The following DACH2 variants were observed in gnomAD, a reference collection of about 807,000 sequenced individuals.
DACH2 encodes the protein dachshund homolog 2.
DACH2 carries 17 observed loss-of-function variants against 35.8 expected under a neutral mutation model. That is an observed-to-expected ratio of 0.48 (90% CI 0.33 to 0.71). The LOEUF is 0.71. DACH2 is among the 30% of genes least tolerant of loss of function. DACH2 has a pLI of 0.02. For missense variants in DACH2, 469 were observed against 472.7 expected, an observed-to-expected ratio of 0.99 and a Z score of 0.07; for synonymous variants, 195 against 177.3, an observed-to-expected ratio of 1.10 and a Z score of -0.79.
chrX:86,714,682 C>G lies in DACH2; in HGVS notation c.1066C>G (p.His356Asp). Residue 356 changes from histidine to aspartate, a missense_variant, in exon 6 of 12, where the codon CAC becomes GAC. This residue lies in a region of DACH2 where 363 missense variants were observed against 334.4 expected (regional missense o/e 1.09). Transcript: ENST00000373125. ...IANMAAAAQIHSPLSRAGTSV... is the reference protein window; with the variant it reads ...IANMAAAAQIDSPLSRAGTSV... ...CAACATGGCTGCTGCAGCACAGATT[C>G]ACAGTCCACTCTCCAGAGCTGGTAC... is the stretch of plus-strand genomic sequence containing the variant. 1 of 1,195,993 alleles carries G rather than the reference C, an allele frequency of 8.4e-7. No homozygotes were observed. The highest frequency in any genetic ancestry group is 1.1e-6 in the Non-Finnish European group (1 of 885,375).
intron 1 of DACH2, among the ~76,000 whole-genome samples, chrX:86,261,654 G>A (rs2033627383): frequency 1.8e-5 from 2 of 111,683 alleles, no homozygotes; most frequent in Admixed American, 1.9e-4. Context: ...GAAGAAAAAT[G>A]CTTAGTGGAG....
chrX:86,633,073 C>T (rs1256847264), intron 3 of DACH2, among the ~76,000 whole-genome samples: 1 of 106,807 alleles, frequency 9.4e-6, no homozygotes, highest in African/African-American at 3.5e-5. Flanking sequence ...CTAGCCAAAA[C>T]AAACAAACAA....
intron 2 of DACH2, among the ~76,000 whole-genome samples, chrX:86,380,059 T>C (rs1423079599): frequency 9.0e-6 from 1 of 111,266 alleles, no homozygotes; most frequent in Non-Finnish European, 1.9e-5. Context: ...CATAGACATA[T>C]AAATAAGATA....
In DACH2 at chrX:86,712,937, C is replaced by T. The variant is rs1045068774; in HGVS notation, c.932-1611C>T. Among the ~76,000 whole-genome samples the T allele has an allele frequency of 5.4e-5, 6 of 111,263 alleles. No homozygotes were observed. In the South Asian group the frequency reaches 2.2e-3, roughly 41 times the overall value. ...TTAAGTTTCTAGGTTAGGTTTTATCCTTATGTAATTCTGATAACACTGCAT... is the reference window on the plus strand; with the variant it reads ...TTAAGTTTCTAGGTTAGGTTTTATCTTTATGTAATTCTGATAACACTGCAT... On this transcript the variant is annotated intron_variant, in intron 5 of 11. Transcript: ENST00000373125.
intron 2 of DACH2, among the ~76,000 whole-genome samples, chrX:86,427,383 C>T (rs1326690966): frequency 1.8e-5 from 2 of 110,862 alleles, no homozygotes; most frequent in African/African-American, 6.5e-5. Flanking sequence ...TTCCCCCACT[C>T]GAGGGAAAGA....
At chrX:86,401,019 G>A (rs779832128) in intron 2 of DACH2, among the ~76,000 whole-genome samples, 6 of 112,444 alleles carry the variant, frequency 5.3e-5, no homozygotes, top group African/African-American at 1.9e-4. Flanking sequence ...AGCTGTGGTG[G>A]ACTCCACACA....
chrX:86,584,190 A>C (rs747432622), intron 3 of DACH2, among the ~76,000 whole-genome samples: 2 of 111,086 alleles, frequency 1.8e-5, no homozygotes, highest in Non-Finnish European at 3.8e-5. Flanking sequence ...TGTGCAATCT[A>C]TATCAGTTTG....
chrX:86,626,076 G>A (rs1238632704), intron 3 of DACH2, among the ~76,000 whole-genome samples: 2 of 112,008 alleles, frequency 1.8e-5, no homozygotes, highest in Non-Finnish European at 3.8e-5. Flanking sequence ...GACAAGGCAA[G>A]TCCCTTCCAC....
At chrX:86,804,853 T>C (rs1449586189) in intron 7 of DACH2, among the ~76,000 whole-genome samples, 1 of 102,049 alleles carries the variant, frequency 9.8e-6, no homozygotes, top group African/African-American at 3.7e-5. Context: ...ACTAGTACAA[T>C]AGGCTCCCAA....
At chrX:86,795,692 T>G (rs113327107) in intron 7 of DACH2, among the ~76,000 whole-genome samples, 4,642 of 112,083 alleles carry the variant, frequency 0.041, 233 homozygotes, top group African/African-American at 0.14. Context: ...CAGTGAGTGT[T>G]ACAGTTTGTA....
rs1407594788 is a variant in DACH2, at chrX:86,457,258, G to A, written c.528-57021G>A. 2.7e-5 allele frequency among the ~76,000 whole-genome samples: 3 copies of A among 111,704 alleles called. No individual in the cohort carries two copies. The Admixed American group carries it at 2.9e-4, about 11-fold the overall frequency. On this transcript the variant is annotated intron_variant, in intron 2 of 11. Transcript: ENST00000373125. ...CAAGGAATTCTGTATAAGAAGGATGGATAACGGTTCTCTAAGTAACAGCTA... is the reference window on the plus strand; with the variant it reads ...CAAGGAATTCTGTATAAGAAGGATGAATAACGGTTCTCTAAGTAACAGCTA...
intron 3 of DACH2, among the ~76,000 whole-genome samples, chrX:86,549,376 CTT>C (rs2039017289): frequency 9.0e-6 from 1 of 110,904 alleles, no homozygotes; most frequent in Non-Finnish European, 1.9e-5. Flanking sequence ...AAGAAATAGT[CTT>C]TGGCATGTTT....
intron 1 of DACH2, among the ~76,000 whole-genome samples, chrX:86,158,290 GT>G (rs1216779273): frequency 9.1e-6 from 1 of 110,217 alleles, no homozygotes; most frequent in African/African-American, 3.3e-5. Flanking sequence ...GTGAGTATGG[GT>G]TTTTTTTGTG....
At chrX:86,392,933 G>A (rs898335535) in intron 2 of DACH2, among the ~76,000 whole-genome samples, 3 of 110,886 alleles carry the variant, frequency 2.7e-5, no homozygotes, top group African/African-American at 9.9e-5. Context: ...AGGCCTTTTT[G>A]GCTGTCGCAA....
chrX:86,247,463 C>A (rs1483368291), intron 1 of DACH2, among the ~76,000 whole-genome samples: 3 of 111,241 alleles, frequency 2.7e-5, no homozygotes, highest in Non-Finnish European at 5.7e-5. Context: ...CACAGAAATT[C>A]AAAAAACACC....
At chrX:86,810,129 T>C (rs766499514) in intron 7 of DACH2, among the ~76,000 whole-genome samples, 1 of 111,985 alleles carries the variant, frequency 8.9e-6, no homozygotes, top group African/African-American at 3.2e-5. Flanking sequence ...CCATAGACCA[T>C]GCAACCTGTC....
At chrX:86,544,928 G>A (rs1311346935) in intron 3 of DACH2, among the ~76,000 whole-genome samples, 1 of 111,972 alleles carries the variant, frequency 8.9e-6, no homozygotes, top group African/African-American at 3.2e-5. Flanking sequence ...TCAACTTCCC[G>A]AATAGCTGGG....
At chrX:86,361,017 C>T (rs2035731636) in intron 1 of DACH2, among the ~76,000 whole-genome samples, 1 of 111,210 alleles carries the variant, frequency 9.0e-6, no homozygotes, top group African/African-American at 3.3e-5. Context: ...AACTGAAACA[C>T]ATATAAAACC....
chrX:86,426,556 G>A (rs1422970115), intron 2 of DACH2, among the ~76,000 whole-genome samples: 1 of 111,573 alleles, frequency 9.0e-6, no homozygotes, highest in Non-Finnish European at 1.9e-5. Flanking sequence ...CTTATACAGC[G>A]ATATACTTTT....
Sources: gnomAD v4.1 joint callset for allele counts (sites outside exome capture counted in the v4.1 genomes callset) on GRCh38, gnomAD v4.1.1 for gene constraint, gnomAD v4.1.1 regional missense constraint, MANE v1.5 for transcripts, NCBI Gene and HGNC (gene_info 2026-07-23, HGNC 2026-07-21) for gene names.